SULF1: variants seen among roughly 807,000 people sequenced by gnomAD.
SULF1 encodes extracellular sulfatase Sulf-1.
A neutral mutation model predicts 110.5 loss-of-function variants in SULF1; 46 were observed. The ratio of observed to expected loss-of-function variants is 0.42; its 90% CI spans 0.33 to 0.53. SULF1 has a LOEUF of 0.53. Among genes scored for constraint, SULF1 ranks in the 20% least tolerant of loss-of-function variants. The pLI, the probability that SULF1 is intolerant of heterozygous loss-of-function variation, is 0.12. For missense variants in SULF1, 941 were observed against 1,094.2 expected, an observed-to-expected ratio of 0.86 and a Z score of 1.98; for synonymous variants, 371 against 387.1, an observed-to-expected ratio of 0.96 and a Z score of 0.49.
Position 69,589,144 on chromosome 8 carries a change from A to G in SULF1, c.734+3A>G. 6.2e-7 allele frequency: 1 copy of G among 1,612,194 alleles called. No homozygotes were observed. Among genetic ancestry groups the G allele is most frequent in the African/African-American group, 1.3e-5 (1 of 74,986 alleles). On this transcript the variant is annotated splice_donor_region_variant and intron_variant, in intron 8 of 22. Transcript: ENST00000402687. The stretch of plus-strand genomic sequence containing the variant: ...TACCCCAATGCTTCCCAACACATGT[A>G]AGTAACAAACTCAACTCTGCGACCT...
chr8:69,599,425 G>A (rs185538325), intron 8 of SULF1, among the ~76,000 whole-genome samples: 1 of 152,196 alleles, frequency 6.6e-6, no homozygotes, highest in Admixed American at 6.5e-5. Context: ...AAAGCAAATG[G>A]GCTTTGGAAT....
At chr8:69,547,287 T>G (rs1814335213) in intron 3 of SULF1, among the ~76,000 whole-genome samples, 1 of 152,176 alleles carries the variant, frequency 6.6e-6, no homozygotes, top group Non-Finnish European at 1.5e-5. Context: ...TTTCCTGAAC[T>G]GTGATGCCTT....
At chr8:69,479,764 TA>T (rs1190678484) in intron 1 of SULF1, among the ~76,000 whole-genome samples, 1 of 152,166 alleles carries the variant, frequency 6.6e-6, no homozygotes, top group Non-Finnish European at 1.5e-5. Context: ...GAGACCTGCC[TA>T]AAATCACAAA....
chr8:69,560,823 A>G (rs1360340086), intron 3 of SULF1, among the ~76,000 whole-genome samples: 1 of 152,216 alleles, frequency 6.6e-6, no homozygotes, highest in Non-Finnish European at 1.5e-5. Flanking sequence ...GTCTGTGTGC[A>G]GTGTTTCTAG....
chr8:69,581,029 G>T (rs145876606), intron 6 of SULF1, among the ~76,000 whole-genome samples: 2 of 152,184 alleles, frequency 1.3e-5, no homozygotes, highest in East Asian at 3.9e-4. Flanking sequence ...ATAAACATGA[G>T]AAATGTCATA....
intron 3 of SULF1, among the ~76,000 whole-genome samples, chr8:69,560,875 G>A (rs533294185): frequency 6.6e-6 from 1 of 152,342 alleles, no homozygotes; most frequent in South Asian, 2.1e-4. Context: ...AGGTGAGATA[G>A]AGAGAGGACT....
At chr8:69,524,223 A>G (rs1812514555) in intron 3 of SULF1, among the ~76,000 whole-genome samples, 1 of 152,120 alleles carries the variant, frequency 6.6e-6, no homozygotes, top group Admixed American at 6.5e-5. Flanking sequence ...ACACTGATTC[A>G]ACGGTATGTT....
At chr8:69,592,248 G>A (rs1806960835) in intron 8 of SULF1, among the ~76,000 whole-genome samples, 1 of 152,102 alleles carries the variant, frequency 6.6e-6, no homozygotes, top group African/African-American at 2.4e-5. Context: ...CTGGAGAATG[G>A]GCTACAAAGA....
intron 6 of SULF1, among the ~76,000 whole-genome samples, chr8:69,582,802 C>A (rs144686484): frequency 2.0e-5 from 3 of 152,068 alleles, no homozygotes; most frequent in Non-Finnish European, 4.4e-5. Flanking sequence ...GAAACAATCG[C>A]TTTTGAACGT....
intron 19 of SULF1, among the ~76,000 whole-genome samples, chr8:69,633,358 C>T (rs1393264112): frequency 1.5e-5 from 2 of 136,506 alleles, no homozygotes; most frequent in African/African-American, 2.8e-5. Flanking sequence ...GATGGAGTTT[C>T]GCTCTTGTTG....
At chr8:69,521,841 TAA>T (rs75983618) in intron 3 of SULF1, among the ~76,000 whole-genome samples, 104 of 109,998 alleles carry the variant, frequency 9.5e-4, no homozygotes, top group Non-Finnish European at 8.4e-4. Context: ...TGGGCCAAGG[TAA>T]AAAAAAAAAA....
At chr8:69,585,590 C>T (rs1361382660) in intron 6 of SULF1, among the ~76,000 whole-genome samples, 1 of 152,098 alleles carries the variant, frequency 6.6e-6, no homozygotes, top group Non-Finnish European at 1.5e-5. Context: ...AAGTGACATG[C>T]CAAAGTTATA....
chr8:69,603,225 C>A lies in SULF1; in HGVS notation c.1095C>A (p.Ala365=). 1 of 1,614,166 alleles carries A rather than the reference C, an allele frequency of 6.2e-7. No homozygotes were observed. The highest frequency in any genetic ancestry group is 8.5e-7 in the Non-Finnish European group (1 of 1,180,038). The change falls in exon 11 of 23, where the codon GCC becomes GCA. Residue 365 remains alanine (A), a synonymous_variant. Transcript: ENST00000402687. ...AGATCGTTCTCAACATTGACTTGGC[C>A]CCCACGATCCTGGATATTGCTGGGC... The part of the protein sequence containing the change: ...VPQIVLNIDL[A]PTILDIAGLD...
chr8:69,615,478 T>G (rs550260349), intron 13 of SULF1, among the ~76,000 whole-genome samples: 1 of 152,334 alleles, frequency 6.6e-6, no homozygotes, highest in African/African-American at 2.4e-5. Flanking sequence ...TTACTTTATC[T>G]AACAGGGTCT....
upstream of SULF1, among the ~76,000 whole-genome samples, chr8:69,492,351 G>A (rs1053973755): frequency 2.6e-5 from 4 of 151,720 alleles, no homozygotes; most frequent in African/African-American, 9.7e-5. Flanking sequence ...TAGAGGGGTC[G>A]ACAGGGCACA....
intron 3 of SULF1, among the ~76,000 whole-genome samples, chr8:69,515,456 G>A (rs1811865899): frequency 6.6e-6 from 1 of 152,164 alleles, no homozygotes; most frequent in African/African-American, 2.4e-5. Context: ...CCTGGCCCAT[G>A]AAACCATTTT....
Position 69,564,810 on chromosome 8 carries a change from C to G in SULF1, c.172+663C>G, listed in dbSNP as rs150697448. 3.3e-5 allele frequency among the ~76,000 whole-genome samples: 5 copies of G among 152,342 alleles called. No homozygotes were observed. In the East Asian group the frequency reaches 7.7e-4, roughly 24 times the overall value. ...CACCGTCTTCAATGGCCCAGCCCTACGGTCTTGTTCATAAGCCAAGGGCCA... is the reference window on the plus strand; with the variant it reads ...CACCGTCTTCAATGGCCCAGCCCTAGGGTCTTGTTCATAAGCCAAGGGCCA... On this transcript the variant is annotated intron_variant, in intron 5 of 22. Transcript: ENST00000402687.
intron 15 of SULF1, chr8:69,625,939 C>T (rs1043635915): frequency 1.3e-5 from 2 of 152,266 alleles, no homozygotes; most frequent in African/African-American, 4.8e-5. Context: ...TACAAAGGTT[C>T]TCCACTTCCC....
intron 1 of SULF1, among the ~76,000 whole-genome samples, chr8:69,470,889 C>G (rs1033991722): frequency 6.6e-6 from 1 of 152,174 alleles, no homozygotes; most frequent in African/African-American, 2.4e-5. Flanking sequence ...TCTCTACTTT[C>G]TAGCCTTTTC....
Sources: gnomAD v4.1 joint callset for allele counts (sites outside exome capture counted in the v4.1 genomes callset) on GRCh38, gnomAD v4.1.1 for gene constraint, MANE v1.5 for transcripts, NCBI Gene and HGNC (gene_info 2026-07-23, HGNC 2026-07-21) for gene names.